The following AGBL1 variants were observed in gnomAD, a reference collection of about 807,000 sequenced individuals.
AGBL1 encodes the protein AGBL carboxypeptidase 1.
In AGBL1, 130 loss-of-function variants were observed where a neutral mutation model predicts 118.9. The ratio of observed to expected loss-of-function variants is 1.09; its 90% CI spans 0.95 to 1.26. The LOEUF (loss-of-function observed/expected upper bound fraction) is 1.26. Among genes scored for constraint, AGBL1 ranks in the 50% most tolerant of loss-of-function variants. AGBL1 has a pLI of 0.00. For missense variants in AGBL1, 1,584 were observed against 1,298.1 expected, an observed-to-expected ratio of 1.22 and a Z score of -3.38; for synonymous variants, 555 against 478.9, an observed-to-expected ratio of 1.16 and a Z score of -2.08.
At chr15:86,286,276 C>G (rs1308996454) in intron 16 of AGBL1, among the ~76,000 whole-genome samples, 7 of 151,998 alleles carry the variant, frequency 4.6e-5, no homozygotes, top group East Asian at 3.9e-4. Flanking sequence ...ATAAACGTAT[C>G]TATCACCTCA....
At chr15:86,743,280 T>A (rs1247246571) in intron 22 of AGBL1, among the ~76,000 whole-genome samples, 4 of 152,274 alleles carry the variant, frequency 2.6e-5, no homozygotes, top group African/African-American at 7.2e-5. Flanking sequence ...TTTGTTATAA[T>A]GGAAGGAAGG....
At chr15:86,603,481 A>G (rs1478233755) in intron 21 of AGBL1, among the ~76,000 whole-genome samples, 1 of 151,924 alleles carries the variant, frequency 6.6e-6, no homozygotes, top group Non-Finnish European at 1.5e-5. Context: ...GGTTAGTGCA[A>G]TGACACAGGC....
chr15:86,353,801 C>T (rs2080668452), intron 17 of AGBL1, among the ~76,000 whole-genome samples: 1 of 152,018 alleles, frequency 6.6e-6, no homozygotes, highest in Non-Finnish European at 1.5e-5. Flanking sequence ...AAATTAGAAA[C>T]AAGGGAGCAG....
chr15:86,318,626 A>G (rs907104574), intron 17 of AGBL1, among the ~76,000 whole-genome samples: 1 of 151,864 alleles, frequency 6.6e-6, no homozygotes, highest in African/African-American at 2.4e-5. Context: ...AGAATAGAGA[A>G]TCACTGAGCC....
At chr15:86,930,026 A>AAT in intron 23 of AGBL1, among the ~76,000 whole-genome samples, 1 of 152,278 alleles carries the variant, frequency 6.6e-6, no homozygotes, top group Admixed American at 6.5e-5. Flanking sequence ...GCATTCCAAC[A>AAT]ATCCACGCTT....
intron 22 of AGBL1, among the ~76,000 whole-genome samples, chr15:86,850,338 T>A (rs959935914): frequency 5.3e-5 from 8 of 152,254 alleles, no homozygotes; most frequent in African/African-American, 1.9e-4. Context: ...TTGGAGAAAT[T>A]ACCAATATGC....
At chr15:86,412,825 G>A (rs1367985295) in intron 18 of AGBL1, among the ~76,000 whole-genome samples, 1 of 152,020 alleles carries the variant, frequency 6.6e-6, no homozygotes, top group African/African-American at 2.4e-5. Context: ...CAAGAAAATG[G>A]CAAATATTGA....
At chr15:86,130,125 T>C (rs12913662) in intron 1 of AGBL1, among the ~76,000 whole-genome samples, 81,040 of 151,922 alleles carry the variant, frequency 0.53, 21,862 homozygotes, top group African/African-American at 0.57. Context: ...CTTTTATATG[T>C]CTCACTCTAT....
chr15:86,216,651 G>T (rs1479479430), intron 5 of AGBL1, among the ~76,000 whole-genome samples: 1 of 152,096 alleles, frequency 6.6e-6, no homozygotes, highest in Non-Finnish European at 1.5e-5. Context: ...ACTTGTTGCT[G>T]TGTTTAGTTT....
intron 22 of AGBL1, among the ~76,000 whole-genome samples, chr15:86,837,928 G>C (rs2079191633): frequency 6.6e-6 from 1 of 152,094 alleles, no homozygotes; most frequent in South Asian, 2.1e-4. Flanking sequence ...ACCTTTGTTT[G>C]CATCTGTTCT....
intron 21 of AGBL1, among the ~76,000 whole-genome samples, chr15:86,591,115 C>T (rs1219306268): frequency 2.0e-5 from 3 of 152,164 alleles, no homozygotes; most frequent in African/African-American, 7.2e-5. Flanking sequence ...AACCTTGACG[C>T]TTAAAGGTGT....
chr15:86,080,117 GTCAC>G (rs761655750), intron 1 of AGBL1, 94 bp downstream of exon 1: 14 of 995,598 alleles, frequency 1.4e-5, no homozygotes, highest in Admixed American at 8.5e-5. Context: ...CCCTCTGGCA[GTCAC>G]TGGCCCAGTT....
At chr15:86,807,080 G>T (rs2078725382) in intron 22 of AGBL1, among the ~76,000 whole-genome samples, 1 of 151,992 alleles carries the variant, frequency 6.6e-6, no homozygotes, top group African/African-American at 2.4e-5. Context: ...TATACTAATT[G>T]TGGAACTGTG....
At chr15:86,193,815 G>A (rs149253968) in intron 5 of AGBL1, among the ~76,000 whole-genome samples, 103 of 152,268 alleles carry the variant, frequency 6.8e-4, no homozygotes, top group African/African-American at 2.0e-3. Flanking sequence ...TATTTTCTAC[G>A]TTTATTCTAA....
At chr15:86,470,228 T>C (rs1232013812) in intron 18 of AGBL1, among the ~76,000 whole-genome samples, 1 of 152,192 alleles carries the variant, frequency 6.6e-6, no homozygotes, top group Non-Finnish European at 1.5e-5. Flanking sequence ...GTGATTAATT[T>C]ATTTCGAATT....
intron 5 of AGBL1, among the ~76,000 whole-genome samples, chr15:86,164,425 C>G (rs1027890129): frequency 2.0e-5 from 3 of 152,156 alleles, no homozygotes; most frequent in Non-Finnish European, 4.4e-5. Flanking sequence ...GATTACTTGT[C>G]TGCGAATGAC....
chr15:86,643,408 C>T (rs769801447), intron 21 of AGBL1, among the ~76,000 whole-genome samples: 1 of 152,020 alleles, frequency 6.6e-6, no homozygotes, highest in Non-Finnish European at 1.5e-5. Flanking sequence ...TTTTAATCTC[C>T]TATATGCCCC....
chr15:87,013,072 A>C (rs1180404298), intron 24 of AGBL1, among the ~76,000 whole-genome samples: 2 of 152,184 alleles, frequency 1.3e-5, no homozygotes, highest in Non-Finnish European at 2.9e-5. Flanking sequence ...AGCCTGAATT[A>C]GTTTAACATT....
At chr15:86,240,860 G>T (rs1227556201) in intron 6 of AGBL1, among the ~76,000 whole-genome samples, 1 of 152,130 alleles carries the variant, frequency 6.6e-6, no homozygotes, top group Non-Finnish European at 1.5e-5. Flanking sequence ...TCAAGTCCTT[G>T]TATTTATTCT....
Sources: gnomAD v4.1 joint callset for allele counts (sites outside exome capture counted in the v4.1 genomes callset) on GRCh38, gnomAD v4.1.1 for gene constraint, MANE v1.5 for transcripts, NCBI Gene and HGNC (gene_info 2026-07-23, HGNC 2026-07-21) for gene names.